Variants in LINGO2 observed in about 807,000 individuals in gnomAD.
The protein encoded by LINGO2 is leucine-rich repeat and immunoglobulin-like domain-containing nogo receptor-interacting protein 2.
Under a neutral mutation model 30.6 loss-of-function variants are expected in LINGO2, and 14 were observed. The observed-to-expected ratio is 0.46, with a 90% CI of 0.30 to 0.72. The LOEUF (loss-of-function observed/expected upper bound fraction) is 0.72. Among genes scored for constraint, LINGO2 ranks in the 30% least tolerant of loss-of-function variants. The pLI is 0.07. For missense variants in LINGO2, 729 were observed against 751.7 expected (o/e 0.97, Z 0.35); for synonymous variants, 317 against 288.5 (o/e 1.10, Z -1.00).
intron 4 of LINGO2, among the ~76,000 whole-genome samples, chr9:28,284,831 T>C (rs1267091732): frequency 6.6e-6 from 1 of 152,196 alleles, no homozygotes; most frequent in East Asian, 1.9e-4. Context: ...TCTATGGCTG[T>C]AAAGAAAATG....
chr9:28,032,011 A>G (rs1230195630), intron 4 of LINGO2, among the ~76,000 whole-genome samples: 1 of 146,738 alleles, frequency 6.8e-6, no homozygotes, highest in Non-Finnish European at 1.5e-5. Flanking sequence ...TACCTTTGTT[A>G]CTAGCAGTCT....
intron 2 of LINGO2, among the ~76,000 whole-genome samples, chr9:28,453,363 G>T (rs1824723433): frequency 6.6e-6 from 1 of 151,904 alleles, no homozygotes; most frequent in Admixed American, 6.6e-5. Context: ...GTGTGAAGTG[G>T]ATGAATGTTG....
intron 2 of LINGO2, among the ~76,000 whole-genome samples, chr9:28,447,971 T>C (rs1245577299): frequency 6.6e-6 from 1 of 152,156 alleles, no homozygotes; most frequent in Non-Finnish European, 1.5e-5. Context: ...TGATTTTAAT[T>C]GATGCCAGAG....
the LINGO2 span, among the ~76,000 whole-genome samples, chr9:28,747,730 G>A: frequency 8.6e-5 from 13 of 151,974 alleles, no homozygotes; most frequent in East Asian, 1.2e-3. Context: ...ATCTCATTAA[G>A]AAAGTACTTA....
At chr9:28,038,026 T>TGGTA (rs1824019906) in intron 4 of LINGO2, among the ~76,000 whole-genome samples, 1 of 152,202 alleles carries the variant, frequency 6.6e-6, no homozygotes. Flanking sequence ...GATGAAACAG[T>TGGTA]GGTAGTGAGT....
chr9:28,843,406 T>C, the LINGO2 span, among the ~76,000 whole-genome samples: 1 of 151,828 alleles, frequency 6.6e-6, no homozygotes, highest in Admixed American at 6.5e-5. Flanking sequence ...TTTTCTTGTA[T>C]AGAGGCTTTA....
chr9:28,024,350 C>T (rs1312638533), intron 4 of LINGO2, among the ~76,000 whole-genome samples: 1 of 152,150 alleles, frequency 6.6e-6, no homozygotes, highest in African/African-American at 2.4e-5. Context: ...GGGTGGGTAA[C>T]AGCTGACCCT....
At chr9:27,988,939 C>A (rs529171713) in intron 5 of LINGO2, among the ~76,000 whole-genome samples, 1 of 151,996 alleles carries the variant, frequency 6.6e-6, no homozygotes, top group Non-Finnish European at 1.5e-5. Flanking sequence ...TTATCACTTC[C>A]ACTGCTACCA....
At chr9:29,075,391 AT>A in the LINGO2 span, among the ~76,000 whole-genome samples, 1 of 152,124 alleles carries the variant, frequency 6.6e-6, no homozygotes, top group Admixed American at 6.5e-5. Flanking sequence ...GCCAAAATAT[AT>A]CTCAGATGGA....
At chr9:28,449,928 C>T (rs1824583490) in intron 2 of LINGO2, among the ~76,000 whole-genome samples, 2 of 151,960 alleles carry the variant, frequency 1.3e-5, no homozygotes, top group Non-Finnish European at 2.9e-5. Context: ...AATCTCATTT[C>T]CTTATCCCCT....
chr9:28,050,831 G>T lies in LINGO2; in HGVS notation c.-86-38426C>A, dbSNP rs538140383. Among the ~76,000 whole-genome samples the T allele has an allele frequency of 2.0e-5, 3 of 151,024 alleles. No homozygotes were observed. The East Asian group carries it at 5.9e-4, about 30-fold the overall frequency. On this transcript the variant is annotated intron_variant, in intron 4 of 5. Transcript: ENST00000379992. Reference sequence around the variant, plus strand: ...GCATTCACATAGAGGAATAACATGTGTAAGTGGGGCAAATGTTCAATTTGG... The same window carrying T: ...GCATTCACATAGAGGAATAACATGTTTAAGTGGGGCAAATGTTCAATTTGG...
intron 1 of LINGO2, among the ~76,000 whole-genome samples, chr9:28,591,023 C>G (rs916298266): frequency 6.6e-6 from 1 of 151,950 alleles, no homozygotes; most frequent in Non-Finnish European, 1.5e-5. Context: ...ATGGATGAAG[C>G]TGGAAACCAT....
chr9:29,073,249 A>C, the LINGO2 span, among the ~76,000 whole-genome samples: 4 of 152,166 alleles, frequency 2.6e-5, no homozygotes, highest in East Asian at 1.9e-4. Flanking sequence ...TGCTAAGATA[A>C]AGTTGATATT....
the LINGO2 span, among the ~76,000 whole-genome samples, chr9:29,003,404 C>A: frequency 2.0e-5 from 3 of 151,806 alleles, no homozygotes; most frequent in Admixed American, 1.3e-4. Context: ...CCACAGGAAC[C>A]AGGAATTTCT....
intron 2 of LINGO2, among the ~76,000 whole-genome samples, chr9:28,379,761 A>G (rs375911225): frequency 6.6e-5 from 10 of 152,132 alleles, no homozygotes; most frequent in African/African-American, 2.2e-4. Context: ...AGTTGAAGAT[A>G]CCACATTTTA....
intron 4 of LINGO2, among the ~76,000 whole-genome samples, chr9:28,220,855 G>C (rs6476042): frequency 0.86 from 130,113 of 152,062 alleles, 55,911 homozygotes; most frequent in Non-Finnish European, 0.9. Context: ...AACACCTCCA[G>C]CCCAAAGGAA....
At chr9:28,422,574 G>C (rs1007900195) in intron 2 of LINGO2, among the ~76,000 whole-genome samples, 2 of 152,034 alleles carry the variant, frequency 1.3e-5, no homozygotes, top group Non-Finnish European at 2.9e-5. Context: ...ACAGTTAGTA[G>C]GGGTGTAAAA....
chr9:28,860,864 T>C, the LINGO2 span, among the ~76,000 whole-genome samples: 9 of 146,694 alleles, frequency 6.1e-5, no homozygotes, highest in South Asian at 1.9e-3. Context: ...GTTTTCAGAG[T>C]TCTGACAGTC....
At chr9:27,993,213 C>T (rs559826206) in intron 5 of LINGO2, among the ~76,000 whole-genome samples, 8 of 152,216 alleles carry the variant, frequency 5.3e-5, no homozygotes, top group Non-Finnish European at 1.0e-4. Flanking sequence ...ATTTTCCCCC[C>T]TCTTTTTCTT....
Sources: gnomAD v4.1 joint callset for allele counts (sites outside exome capture counted in the v4.1 genomes callset) on GRCh38, gnomAD v4.1.1 for gene constraint, MANE v1.5 for transcripts, NCBI Gene and HGNC (gene_info 2026-07-23, HGNC 2026-07-21) for gene names.